The following KMO variants were observed in gnomAD, a reference collection of about 807,000 sequenced individuals.
KMO encodes kynurenine 3-monooxygenase, also known as kynurenine 3-hydroxylase.
A neutral mutation model predicts 57.8 loss-of-function variants in KMO; 24 were observed. The ratio of observed to expected loss-of-function variants is 0.42; its 90% confidence interval spans 0.30 to 0.58. The LOEUF is 0.58. KMO is among the 20% of genes least tolerant of loss of function. KMO has a pLI of 0.22. For missense variants in KMO, 483 were observed against 588.2 expected (o/e 0.82, Z 1.85); for synonymous variants, 210 against 193.6 (o/e 1.08, Z -0.70).
In KMO at chr1:241,549,198, A is replaced by AAAGGAAGGAAGG. The variant is rs200533831; in HGVS notation, c.124+307_124+308insGAAGGAAGGAAG. Among the ~76,000 whole-genome samples, 338 of 119,610 alleles carry AAAGGAAGGAAGG rather than the reference A, an allele frequency of 2.8e-3. 3 individuals are homozygous for AAAGGAAGGAAGG. The highest frequency in any genetic ancestry group is 0.01 in the African/African-American group (317 of 30,654). The allele number at this position is 119,610 out of a possible 152,430, so 78.5% of individuals were successfully genotyped here. ...AGAGAAAGAGAGAGAGAGAGAAAGA[A>AAAGGAAGGAAGG]AAGGAAGAAAGAAAGAAAGAAAGAA... is the stretch of plus-strand genomic sequence containing the variant. On this transcript the variant is annotated intron_variant, in intron 2 of 14. Transcript: ENST00000366559.
intron 1 of KMO, among the ~76,000 whole-genome samples, chr1:241,546,544 G>C (rs750537433): frequency 6.6e-6 from 1 of 152,180 alleles, no homozygotes; most frequent in Non-Finnish European, 1.5e-5. Flanking sequence ...AGGCAGAAAG[G>C]TGAAAATGAA....
At chr1:241,552,677 C>T (rs1661452897) in intron 4 of KMO, among the ~76,000 whole-genome samples, 1 of 152,186 alleles carries the variant, frequency 6.6e-6, no homozygotes, top group Non-Finnish European at 1.5e-5. Context: ...CTGCTGAAGA[C>T]CTACGGGTCA....
At chr1:241,590,491 T>G (rs971260282) in intron 14 of KMO, among the ~76,000 whole-genome samples, 1 of 152,218 alleles carries the variant, frequency 6.6e-6, no homozygotes, top group Non-Finnish European at 1.5e-5. Flanking sequence ...AGATAGAAAC[T>G]GATGCTAATA....
chr1:241,587,718 A>C (rs1279883123), intron 11 of KMO, among the ~76,000 whole-genome samples: 1 of 151,578 alleles, frequency 6.6e-6, no homozygotes, highest in African/African-American at 2.4e-5. Flanking sequence ...TGCTGGGATT[A>C]TAGGCGTGAG....
rs1037995049 is a variant in KMO at position 241,594,249 on chromosome 1, A to C, written c.*2096A>C. 1.7e-6 allele frequency: 1 copy of C among 600,516 alleles called. No individual in the cohort carries two copies. Among genetic ancestry groups the C allele is most frequent in the Non-Finnish European group, 2.8e-6 (1 of 363,540 alleles). 37.2% of individuals were successfully genotyped at this position (600,516 alleles called of 1,614,324 possible). A position where few individuals can be genotyped will look rare whatever the true frequency, so the allele number is the denominator to read the frequency against. On this transcript the variant is annotated 3_prime_UTR_variant, in exon 15 of 15. Coordinates refer to ENST00000366559, the MANE Select transcript of KMO (RefSeq NM_003679.5). ...GTAAAGCACCCGTTGAATTAAAAGAATTTGTTTTTGTTCAACCTCTTCCTG... is the reference window on the plus strand; with the variant it reads ...GTAAAGCACCCGTTGAATTAAAAGACTTTGTTTTTGTTCAACCTCTTCCTG...
At chr1:241,586,783 C>G (rs1364224830) in intron 11 of KMO, 47 bp downstream of exon 11, 1 of 1,334,546 alleles carries the variant, frequency 7.5e-7, no homozygotes, top group Non-Finnish European at 1.1e-6. Context: ...GCTCTTCTGA[C>G]TAATTGTGGG....
At chr1:241,567,213 C>T (rs934664891) in intron 9 of KMO, among the ~76,000 whole-genome samples, 2 of 152,110 alleles carry the variant, frequency 1.3e-5, no homozygotes, top group Non-Finnish European at 2.9e-5. Context: ...GTTCAGTGAG[C>T]CATAATAAAA....
At chr1:241,548,770 C>T in intron 1 of KMO, 59 bp from the exon 2 acceptor site, 1 of 1,072,800 alleles carries the variant, frequency 9.3e-7, no homozygotes, top group Non-Finnish European at 1.4e-6. Flanking sequence ...CATTTTGCTG[C>T]TAAAAATTCC....
intron 1 of KMO, among the ~76,000 whole-genome samples, chr1:241,535,408 T>C (rs530790087): frequency 6.6e-6 from 1 of 151,932 alleles, no homozygotes; most frequent in South Asian, 2.1e-4. Context: ...TATAGTGAAC[T>C]TCCCTCAATT....
chr1:241,552,800 G>GT (rs1418298742), intron 4 of KMO, among the ~76,000 whole-genome samples: 2 of 152,232 alleles, frequency 1.3e-5, no homozygotes, highest in East Asian at 1.9e-4. Context: ...TCCTTCAGCT[G>GT]TTTTTTCTTT....
intron 7 of KMO, among the ~76,000 whole-genome samples, chr1:241,563,891 G>A (rs574076377): frequency 9.2e-5 from 14 of 152,072 alleles, no homozygotes; most frequent in African/African-American, 2.9e-4. Flanking sequence ...ATAGACACTT[G>A]CACTCTTCTG....
intron 10 of KMO, among the ~76,000 whole-genome samples, chr1:241,578,724 C>T (rs1304730069): frequency 6.6e-6 from 1 of 152,024 alleles, no homozygotes; most frequent in Non-Finnish European, 1.5e-5. Context: ...CCTGGTTAGC[C>T]AGGGTGGTGT....
In KMO at chr1:241,590,031, C is replaced by G; in HGVS notation, c.1118C>G (p.Ser373Ter). Reference protein sequence around the residue: ...NYIEMRAHVNSSWFIFQKNME... With the variant: ...NYIEMRAHVN ...TTGCAGATGCGAGCACATGTCAACT[C>G]AAGCTGGTTCATTTTTCAGAAGAAC... Residue 373 changes from serine (S) to a stop codon, truncating the protein, a stop_gained, in exon 13 of 15, where the codon TCA becomes TGA. Transcript: ENST00000366559. LOFTEE classifies it high-confidence loss of function. 1 of 1,613,916 alleles carries G rather than the reference C, an allele frequency of 6.2e-7. No homozygotes were observed. Among genetic ancestry groups the G allele is most frequent in the Non-Finnish European group, 8.5e-7 (1 of 1,179,826 alleles).
In KMO at chr1:241,592,069, G is replaced by C. The variant is rs755962494; in HGVS notation, c.1377G>C (p.Trp459Cys). ...SFLRLRRPWN[W>C]IAHFRNTTCF... ...TCCGCTTGAGAAGACCATGGAACTG[G>C]ATAGCTCACTTCCGGAATACAACAT... The change falls in exon 15 of 15, where the codon TGG becomes TGC. Residue 459 changes from tryptophan (W) to cysteine (C), a missense_variant. Physicochemically the swap from Trp to Cys is radical, Grantham distance 215. Coordinates refer to ENST00000366559, the MANE Select transcript of KMO (RefSeq NM_003679.5). The C allele has an allele frequency of 1.4e-5, 23 of 1,613,844 alleles. No individual in the cohort carries two copies. The African/African-American group carries it at 2.7e-4, about 19-fold the overall frequency.
chr1:241,541,728 C>T (rs1257708251), intron 1 of KMO, among the ~76,000 whole-genome samples: 2 of 152,140 alleles, frequency 1.3e-5, no homozygotes, highest in Non-Finnish European at 2.9e-5. Flanking sequence ...TATTTACTAA[C>T]AAAGTATGAA....
Position 241,562,213 on chromosome 1 carries a change from T to C in KMO, c.496T>C (p.Cys166Arg), listed in dbSNP as rs147626795. Residue 166 changes from cysteine (C) to arginine (R), a missense_variant, in exon 7 of 15, where the codon TGT becomes CGT. By Grantham distance (180) the Cys-to-Arg change is radical. Coordinates refer to ENST00000366559, the MANE Select transcript of KMO (RefSeq NM_003679.5). ...KDVTCDLIVG[C>R]DGAYSTVRSH... ...TGTCACTTGTGACCTCATTGTAGGA[T>C]GTGATGGAGCCTATTCAACTGTCAG... 8 of 1,614,176 alleles carry C rather than the reference T, an allele frequency of 5.0e-6. No homozygotes were observed. Among genetic ancestry groups the C allele is most frequent in the African/African-American group, 2.7e-5 (2 of 75,066 alleles).
intron 4 of KMO, among the ~76,000 whole-genome samples, chr1:241,555,270 T>C (rs1292205596): frequency 6.6e-6 from 1 of 152,234 alleles, no homozygotes; most frequent in African/African-American, 2.4e-5. Context: ...TTCTAAGAGC[T>C]AAATTTGGAG....
intron 7 of KMO, among the ~76,000 whole-genome samples, chr1:241,564,734 T>C (rs1573922624): frequency 6.6e-6 from 1 of 152,076 alleles, no homozygotes; most frequent in East Asian, 1.9e-4. Context: ...TTTCCTTACA[T>C]ATACACACAC....
At position 241,594,538 on chromosome 1, in the gene KMO, T is replaced by C. The variant is rs1438833014; in HGVS notation, c.*2385T>C. The stretch of plus-strand genomic sequence containing the variant: ...ATGATAAAAATGATGGAAGAAGAGT[T>C]GAAAGTCACTTTTTTCTTTGGCCTG... On this transcript the variant is annotated 3_prime_UTR_variant, in exon 15 of 15. Transcript: ENST00000366559. 6.2e-7 allele frequency: 1 copy of C among 1,614,124 alleles called. No homozygotes were observed. Among genetic ancestry groups the C allele is most frequent in the Admixed American group, 1.7e-5 (1 of 60,028 alleles).
Sources: allele counts gnomAD v4.1 joint callset (sites outside exome capture counted in the v4.1 genomes callset), GRCh38; gene constraint gnomAD v4.1.1; transcripts MANE v1.5; gene names NCBI Gene and HGNC (gene_info 2026-07-23, HGNC 2026-07-21).